The following TTC28 variants were observed in gnomAD, a reference collection of about 807,000 sequenced individuals.
TTC28 encodes the protein tetratricopeptide repeat domain 28.
A neutral mutation model predicts 198.0 loss-of-function variants in TTC28; 61 were observed. The ratio of observed to expected loss-of-function variants is 0.31; its 90% confidence interval spans 0.25 to 0.38. The LOEUF (loss-of-function observed/expected upper bound fraction) is 0.38. TTC28 is among the 10% of genes least tolerant of loss of function. The probability of loss-of-function intolerance (pLI) is 1.00; values close to 1 mark genes in which losing one functional copy is unlikely to be tolerated. For missense variants in TTC28, 2,678 were observed against 3,164.0 expected, an observed-to-expected ratio of 0.85 and a Z score of 3.69; for synonymous variants, 1,171 against 1,297.8, an observed-to-expected ratio of 0.90 and a Z score of 2.10.
intron 3 of TTC28, among the ~76,000 whole-genome samples, chr22:28,302,698 T>G (rs1196440697): frequency 2.0e-5 from 3 of 151,934 alleles, no homozygotes; most frequent in Non-Finnish European, 4.4e-5. Context: ...TAAGACGGAG[T>G]CTCACTCTGT....
intron 5 of TTC28, among the ~76,000 whole-genome samples, chr22:28,257,949 C>T (rs1931070590): frequency 6.6e-6 from 1 of 151,764 alleles, no homozygotes; most frequent in African/African-American, 2.4e-5. Context: ...ATCTTACTCC[C>T]TTTCTTTATA....
intron 5 of TTC28, among the ~76,000 whole-genome samples, chr22:28,293,992 A>G (rs538723761): frequency 1.3e-5 from 2 of 152,340 alleles, no homozygotes; most frequent in South Asian, 2.1e-4. Context: ...TAATAATCAG[A>G]AACTTTGAGG....
At chr22:28,374,348 T>C (rs955329422) in intron 2 of TTC28, among the ~76,000 whole-genome samples, 3 of 152,208 alleles carry the variant, frequency 2.0e-5, no homozygotes, top group Non-Finnish European at 4.4e-5. Context: ...ATAGATATCA[T>C]GTAAATAATA....
chr22:28,096,856 A>G (rs1941994388), intron 10 of TTC28, among the ~76,000 whole-genome samples: 1 of 151,454 alleles, frequency 6.6e-6, no homozygotes, highest in Non-Finnish European at 1.5e-5. Flanking sequence ...CCAGGCTGGA[A>G]TATAGTGGCA....
At chr22:28,129,084 T>A (rs2146958752) in intron 6 of TTC28, among the ~76,000 whole-genome samples, 1 of 152,304 alleles carries the variant, frequency 6.6e-6, no homozygotes, top group South Asian at 2.1e-4. Context: ...GATGTGATTG[T>A]TCCATGTAAC....
intron 5 of TTC28, among the ~76,000 whole-genome samples, chr22:28,220,838 G>A (rs928348882): frequency 6.6e-6 from 1 of 152,112 alleles, no homozygotes; most frequent in African/African-American, 2.4e-5. Flanking sequence ...CAGACATGCT[G>A]GAGCATGTAG....
At chr22:28,455,186 A>G (rs1195366334) in intron 2 of TTC28, among the ~76,000 whole-genome samples, 1 of 152,220 alleles carries the variant, frequency 6.6e-6, no homozygotes, top group Admixed American at 6.5e-5. Context: ...TGTTCTGGGT[A>G]TAGAACACAG....
At chr22:28,294,393 T>C (rs1265358937) in intron 5 of TTC28, among the ~76,000 whole-genome samples, 2 of 152,180 alleles carry the variant, frequency 1.3e-5, no homozygotes, top group Non-Finnish European at 2.9e-5. Flanking sequence ...TCATTCCTCC[T>C]GTTTAACATC....
intron 5 of TTC28, among the ~76,000 whole-genome samples, chr22:28,226,826 T>A (rs965228376): frequency 3.9e-5 from 6 of 152,214 alleles, no homozygotes; most frequent in Admixed American, 2.0e-4. Context: ...GTGGTATTTG[T>A]TTACTTTTAT....
chr22:28,210,362 G>A (rs752188913), intron 5 of TTC28, among the ~76,000 whole-genome samples: 1 of 152,114 alleles, frequency 6.6e-6, no homozygotes, highest in Non-Finnish European at 1.5e-5. Flanking sequence ...AAAGGAGGAT[G>A]TTCGAAGAAA....
intron 2 of TTC28, among the ~76,000 whole-genome samples, chr22:28,622,585 CAAT>C (rs2051017241): frequency 6.6e-6 from 1 of 151,758 alleles, no homozygotes; most frequent in African/African-American, 2.4e-5. Flanking sequence ...AGGAATAATA[CAAT>C]GGTAGACGCA....
At chr22:28,060,605 T>C (rs973803772) in intron 12 of TTC28, among the ~76,000 whole-genome samples, 1 of 152,258 alleles carries the variant, frequency 6.6e-6, no homozygotes, top group Non-Finnish European at 1.5e-5. Context: ...CCTTTGGGTA[T>C]ATACCCAGTA....
intron 2 of TTC28, among the ~76,000 whole-genome samples, chr22:28,308,743 A>C (rs1374125088): frequency 6.6e-6 from 1 of 152,158 alleles, no homozygotes; most frequent in Non-Finnish European, 1.5e-5. Flanking sequence ...TGCCTCCCAC[A>C]ATCTTGGTTT....
At chr22:28,188,129 C>T (rs1472352897) in intron 5 of TTC28, among the ~76,000 whole-genome samples, 1 of 152,174 alleles carries the variant, frequency 6.6e-6, no homozygotes, top group Non-Finnish European at 1.5e-5. Context: ...GTGCAAGAGA[C>T]TTCCAGGTAA....
rs1296959112 is a variant in TTC28, at chr22:28,591,036, CACACATATATATATATATAT to C, written c.381+38496_381+38515del. On this transcript the variant is annotated intron_variant, in intron 2 of 22. Transcript: ENST00000397906. ...ACACACACACACACACACACACACA[CACACATATATATATATATAT>C]ATATATATATATATATATATATATA... 9.0e-3 allele frequency among the ~76,000 whole-genome samples: 262 copies of C among 29,270 alleles called. 3 individuals are homozygous for C. Among genetic ancestry groups the C allele is most frequent in the African/African-American group, 0.026 (180 of 7,056 alleles). 19.2% of individuals were successfully genotyped at this position (29,270 alleles called of 152,430 possible). A position where few individuals can be genotyped will look rare whatever the true frequency, so the allele number is the denominator to read the frequency against.
intron 5 of TTC28, among the ~76,000 whole-genome samples, chr22:28,231,901 G>A (rs2147230264): frequency 6.6e-6 from 1 of 152,296 alleles, no homozygotes; most frequent in African/African-American, 2.4e-5. Context: ...TTTCTGATTT[G>A]ATACAAGCCT....
intron 2 of TTC28, among the ~76,000 whole-genome samples, chr22:28,369,142 A>G (rs905588679): frequency 1.3e-5 from 2 of 152,182 alleles, no homozygotes; most frequent in African/African-American, 4.8e-5. Context: ...TCCTGAGCAA[A>G]AAGAACAAAA....
At chr22:28,330,381 T>C (rs1018215692) in intron 2 of TTC28, among the ~76,000 whole-genome samples, 2 of 152,156 alleles carry the variant, frequency 1.3e-5, no homozygotes, top group African/African-American at 4.8e-5. Context: ...GGGGCCTCGA[T>C]TGGCTGAACA....
chr22:28,383,642 C>A (rs2046530027), intron 2 of TTC28, among the ~76,000 whole-genome samples: 1 of 152,174 alleles, frequency 6.6e-6, no homozygotes, highest in African/African-American at 2.4e-5. Flanking sequence ...TCATATCCCA[C>A]ATTCAATACT....
Sources: allele counts gnomAD v4.1 joint callset (sites outside exome capture counted in the v4.1 genomes callset), GRCh38; gene constraint gnomAD v4.1.1; transcripts MANE v1.5; gene names NCBI Gene and HGNC (gene_info 2026-07-23, HGNC 2026-07-21).